Variants in CXCL13 observed in about 807,000 individuals in gnomAD.
CXCL13 encodes the protein C-X-C motif chemokine 13.
CXCL13 carries 7 observed loss-of-function variants against 12.2 expected under a neutral mutation model. That is an observed-to-expected ratio of 0.57 (90% CI 0.33 to 1.07). The LOEUF (loss-of-function observed/expected upper bound fraction) is 1.07. CXCL13 is among the 50% of genes least tolerant of loss of function. The pLI, the probability that CXCL13 is intolerant of heterozygous loss-of-function variation, is 0.04. For synonymous variants in CXCL13, 47 were observed against 42.4 expected, an observed-to-expected ratio of 1.11 and a Z score of -0.42; for missense variants, 113 against 127.4, an observed-to-expected ratio of 0.89 and a Z score of 0.55.
chr4:77,536,845 G>T (rs909398411), intron 1 of CXCL13, among the ~76,000 whole-genome samples: 1 of 152,150 alleles, frequency 6.6e-6, no homozygotes, highest in Non-Finnish European at 1.5e-5. Flanking sequence ...AGGTTCAAGA[G>T]TGAGTACAGT....
chr4:77,582,154 G>C (rs1726350952), intron 1 of CXCL13, among the ~76,000 whole-genome samples: 1 of 152,104 alleles, frequency 6.6e-6, no homozygotes, highest in Admixed American at 6.5e-5. Flanking sequence ...CCCAGACAGA[G>C]CTCTTCTGAT....
chr4:77,527,211 G>A (rs924930309), intron 1 of CXCL13, among the ~76,000 whole-genome samples: 4 of 152,034 alleles, frequency 2.6e-5, no homozygotes, highest in Admixed American at 2.6e-4. Flanking sequence ...TACACCGATT[G>A]GAACAGCTTA....
At chr4:77,557,490 A>C (rs1488880679) in intron 1 of CXCL13, among the ~76,000 whole-genome samples, 1 of 152,194 alleles carries the variant, frequency 6.6e-6, no homozygotes, top group Admixed American at 6.5e-5. Flanking sequence ...TGTAGATGGA[A>C]TCATACCCTT....
chr4:77,559,649 G>A lies in CXCL13; in HGVS notation c.-42-46175G>A, dbSNP rs572098484. On this transcript the variant is annotated intron_variant, in intron 1 of 4. Coordinates refer to the CXCL13 transcript ENST00000286758. The stretch of plus-strand genomic sequence containing the variant: ...GTAAAACCTGACACTCTGGCCAGGC[G>A]CAGTGGCTCACACCTGTAATCCCAG... Among the ~76,000 whole-genome samples, 10 of 152,048 alleles carry A rather than the reference G, an allele frequency of 6.6e-5. No individual in the cohort carries two copies. In the South Asian group the frequency reaches 1.0e-3, roughly 16 times the overall value.
intron 1 of CXCL13, among the ~76,000 whole-genome samples, chr4:77,548,548 G>T (rs547397779): frequency 2.0e-4 from 30 of 152,294 alleles, no homozygotes; most frequent in African/African-American, 6.7e-4. Context: ...CTTGATTTTG[G>T]TCATTTATAA....
At chr4:77,530,238 T>C (rs914327626) in intron 1 of CXCL13, among the ~76,000 whole-genome samples, 1 of 152,172 alleles carries the variant, frequency 6.6e-6, no homozygotes, top group African/African-American at 2.4e-5. Flanking sequence ...TAAAATTCTC[T>C]TTTTTTGTTG....
At chr4:77,534,950 C>T (rs955234132) in intron 1 of CXCL13, among the ~76,000 whole-genome samples, 1 of 152,190 alleles carries the variant, frequency 6.6e-6, no homozygotes, top group African/African-American at 2.4e-5. Flanking sequence ...GGCATTACAA[C>T]AAAAGAAGTA....
At chr4:77,561,835 C>G (rs1725822079) in intron 1 of CXCL13, among the ~76,000 whole-genome samples, 1 of 152,228 alleles carries the variant, frequency 6.6e-6, no homozygotes, top group Non-Finnish European at 1.5e-5. Flanking sequence ...GAGCCCCTCT[C>G]TGGGCTGGCC....
intron 1 of CXCL13, among the ~76,000 whole-genome samples, chr4:77,578,842 T>C (rs1175117084): frequency 6.6e-6 from 1 of 152,154 alleles, no homozygotes; most frequent in African/African-American, 2.4e-5. Flanking sequence ...CACCCCCAAA[T>C]TTTACCTGGT....
At chr4:77,512,496 T>C (rs1041822014) in intron 1 of CXCL13, among the ~76,000 whole-genome samples, 3 of 152,206 alleles carry the variant, frequency 2.0e-5, no homozygotes, top group Non-Finnish European at 2.9e-5. Flanking sequence ...TGGTTTCTTC[T>C]GATGCTTCCC....
At chr4:77,539,137 T>C (rs1477843047) in intron 1 of CXCL13, among the ~76,000 whole-genome samples, 1 of 151,218 alleles carries the variant, frequency 6.6e-6, no homozygotes, top group Non-Finnish European at 1.5e-5. Context: ...TGATCTCAGC[T>C]CACTGCAACC....
intron 1 of CXCL13, among the ~76,000 whole-genome samples, chr4:77,594,314 C>A (rs1726691877): frequency 6.6e-6 from 1 of 152,160 alleles, no homozygotes; most frequent in East Asian, 1.9e-4. Context: ...ACAGAGCCAT[C>A]TTAAGTACCT....
At chr4:77,517,577 CTT>C (rs1219616317) in intron 1 of CXCL13, among the ~76,000 whole-genome samples, 1 of 152,160 alleles carries the variant, frequency 6.6e-6, no homozygotes, top group Non-Finnish European at 1.5e-5. Flanking sequence ...TTCTTTGTCT[CTT>C]TTGATCTTTG....
At chr4:77,610,967 G>A (rs1395205379) in intron 3 of CXCL13, 21 bp from the exon 4 acceptor site, 3 of 1,603,878 alleles carry the variant, frequency 1.9e-6, no homozygotes, top group Non-Finnish European at 2.6e-6. Context: ...TGACAATTTT[G>A]TTTTTGTTTC....
At chr4:77,589,666 C>T (rs1468627602) in intron 1 of CXCL13, among the ~76,000 whole-genome samples, 2 of 152,156 alleles carry the variant, frequency 1.3e-5, no homozygotes, top group African/African-American at 4.8e-5. Flanking sequence ...CTACTATCTA[C>T]CAAAGTTCTA....
chr4:77,541,956 G>GT (rs371504071), intron 1 of CXCL13, among the ~76,000 whole-genome samples: 731 of 151,782 alleles, frequency 4.8e-3, no homozygotes, highest in African/African-American at 0.016. Flanking sequence ...TCCTAGGTGG[G>GT]TTTTTTTGTG....
intron 1 of CXCL13, among the ~76,000 whole-genome samples, chr4:77,525,283 A>T (rs1280819557): frequency 6.6e-6 from 1 of 152,154 alleles, no homozygotes; most frequent in Non-Finnish European, 1.5e-5. Context: ...CAAAGTGTTT[A>T]TTTTCTTCAA....
At chr4:77,608,841 C>T (rs2109838878) in intron 2 of CXCL13, among the ~76,000 whole-genome samples, 1 of 152,334 alleles carries the variant, frequency 6.6e-6, no homozygotes, top group Non-Finnish European at 1.5e-5. Context: ...GTTCCCCTGG[C>T]TGTTTAGAAA....
chr4:77,571,012 C>A (rs1208494301), intron 1 of CXCL13, among the ~76,000 whole-genome samples: 1 of 152,030 alleles, frequency 6.6e-6, no homozygotes, highest in Non-Finnish European at 1.5e-5. Flanking sequence ...TCCACGGTGC[C>A]CAGTCCCATC....
Sources: gnomAD v4.1 joint callset for allele counts (sites outside exome capture counted in the v4.1 genomes callset) on GRCh38, gnomAD v4.1.1 for gene constraint, MANE v1.5 for transcripts, NCBI Gene and HGNC (gene_info 2026-07-23, HGNC 2026-07-21) for gene names.